PTPN12: variants seen among roughly 807,000 people sequenced by gnomAD.
PTPN12 encodes protein tyrosine phosphatase non-receptor type 12.
PTPN12 carries 29 observed loss-of-function variants against 97.6 expected under a neutral mutation model. The observed-to-expected ratio is 0.30, with a 90% confidence interval of 0.22 to 0.41. The LOEUF is 0.41. PTPN12 is among the 10% of genes least tolerant of loss of function. The pLI is 1.00. For synonymous variants in PTPN12, 327 were observed against 300.4 expected (o/e 1.09, Z -0.91); for missense variants, 819 against 926.0 (o/e 0.88, Z 1.50).
At chr7:77,612,438 T>A (rs1047681302) in intron 11 of PTPN12, among the ~76,000 whole-genome samples, 2 of 152,248 alleles carry the variant, frequency 1.3e-5, no homozygotes, top group Non-Finnish European at 2.9e-5. Context: ...GTTTTTGTTT[T>A]GTTTTATTTT....
intron 11 of PTPN12, among the ~76,000 whole-genome samples, chr7:77,617,666 C>G (rs1390170963): frequency 6.6e-6 from 1 of 152,140 alleles, no homozygotes; most frequent in Non-Finnish European, 1.5e-5. Context: ...AAAATCATTC[C>G]TCTCTTCTGG....
At chr7:77,580,846 A>T (rs1372476969) in intron 2 of PTPN12, among the ~76,000 whole-genome samples, 1 of 152,282 alleles carries the variant, frequency 6.6e-6, no homozygotes, top group African/African-American at 2.4e-5. Context: ...ATTTTAGCAT[A>T]TGGGCTTGTG....
At chr7:77,559,379 A>G (rs899406805) in intron 1 of PTPN12, among the ~76,000 whole-genome samples, 1 of 152,202 alleles carries the variant, frequency 6.6e-6, no homozygotes, top group African/African-American at 2.4e-5. Flanking sequence ...ATGTTGGATC[A>G]GTTGATATGC....
At chr7:77,546,531 TCA>T (rs1807226339) in intron 1 of PTPN12, among the ~76,000 whole-genome samples, 1 of 152,234 alleles carries the variant, frequency 6.6e-6, no homozygotes, top group Non-Finnish European at 1.5e-5. Flanking sequence ...CCTTCTGAAA[TCA>T]CACAAAAATC....
chr7:77,595,937 A>C (rs1045213224), intron 6 of PTPN12, among the ~76,000 whole-genome samples: 2 of 152,188 alleles, frequency 1.3e-5, no homozygotes, highest in African/African-American at 4.8e-5. Flanking sequence ...GTTATCAACA[A>C]CCACAATAAT....
intron 7 of PTPN12, among the ~76,000 whole-genome samples, chr7:77,598,249 T>G (rs958754221): frequency 1.3e-5 from 2 of 149,706 alleles, no homozygotes; most frequent in Non-Finnish European, 3.0e-5. Context: ...AGAGAAGACA[T>G]AGAGAGGGAG....
At chr7:77,615,769 C>T (rs1334390678) in intron 11 of PTPN12, among the ~76,000 whole-genome samples, 2 of 152,210 alleles carry the variant, frequency 1.3e-5, no homozygotes, top group East Asian at 3.9e-4. Flanking sequence ...GTGATTGCTT[C>T]AGCAAGTTGT....
chr7:77,631,668 C>G lies in PTPN12; in HGVS notation c.1997-680C>G, dbSNP rs550194447. Among the ~76,000 whole-genome samples, 4 of 152,288 alleles carry G rather than the reference C, an allele frequency of 2.6e-5. No homozygotes were observed. In the East Asian group the frequency reaches 7.7e-4, roughly 29 times the overall value. On this transcript the variant is annotated intron_variant, in intron 13 of 17. Coordinates refer to ENST00000248594, the MANE Select transcript of PTPN12 (RefSeq NM_002835.4). ...TTCCCAAGAGCTAATTTTGTTTTTA[C>G]TAGTGAAAAACCTGTATATAGCTTC... is the stretch of plus-strand genomic sequence containing the variant.
At chr7:77,582,466 G>A (rs773363705) in intron 3 of PTPN12, among the ~76,000 whole-genome samples, 1 of 151,568 alleles carries the variant, frequency 6.6e-6, no homozygotes, top group South Asian at 2.1e-4. Flanking sequence ...TCATGTTTTT[G>A]TTGATAAAAA....
intron 17 of PTPN12, 160 bp downstream of exon 17, chr7:77,638,891 C>G: frequency 8.2e-7 from 1 of 1,218,608 alleles, no homozygotes; most frequent in Non-Finnish European, 1.1e-6. Context: ...AATTCTATTT[C>G]ACATTGAGAT....
At chr7:77,638,853 G>A in intron 17 of PTPN12, 122 bp downstream of exon 17, 1 of 1,376,596 alleles carries the variant, frequency 7.3e-7, no homozygotes, top group Non-Finnish European at 9.5e-7. Context: ...AAGTTGCTTG[G>A]ACTAGTCATG....
At position 77,592,229 on chromosome 7, in the gene PTPN12, A is replaced by G; in HGVS notation, c.465A>G (p.Ile155Met). The change falls in exon 6 of 18, where the codon ATA (isoleucine) becomes ATG (methionine). Residue 155 changes from isoleucine (I) to methionine (M), a missense_variant. Coordinates refer to ENST00000248594, the MANE Select transcript of PTPN12 (RefSeq NM_002835.4). ...GGCCTTTGTATGGAGAAGACCCCATAACGTTTGCACCATTTAAAATTTCTT... is the reference window on the plus strand; with the variant it reads ...GGCCTTTGTATGGAGAAGACCCCATGACGTTTGCACCATTTAAAATTTCTT... Reference protein sequence around the residue: ...RYWPLYGEDPITFAPFKISCE... With the variant: ...RYWPLYGEDPMTFAPFKISCE... The G allele has an allele frequency of 6.2e-7, 1 of 1,606,582 alleles. No homozygotes were observed. The highest frequency in any genetic ancestry group is 8.5e-7 in the Non-Finnish European group (1 of 1,178,142).
At chr7:77,555,371 C>G (rs1214954853) in intron 1 of PTPN12, among the ~76,000 whole-genome samples, 4 of 151,988 alleles carry the variant, frequency 2.6e-5, no homozygotes, top group Non-Finnish European at 5.9e-5. Flanking sequence ...AATATTTCTT[C>G]TGTTCCCTTC....
At chr7:77,564,656 T>G (rs563045056) in intron 1 of PTPN12, among the ~76,000 whole-genome samples, 2 of 152,016 alleles carry the variant, frequency 1.3e-5, no homozygotes, top group African/African-American at 4.8e-5. Context: ...AAGTATAGTT[T>G]TAATATTTGT....
intron 1 of PTPN12, among the ~76,000 whole-genome samples, chr7:77,558,978 C>T (rs568702339): frequency 2.0e-5 from 3 of 152,246 alleles, no homozygotes; most frequent in African/African-American, 7.2e-5. Context: ...CATGCCACTG[C>T]ACTCCAGCAT....
rs558941059 is a variant in PTPN12, at chr7:77,639,860, A to G, written c.*580A>G. On this transcript the variant is annotated 3_prime_UTR_variant, in exon 18 of 18. Coordinates refer to ENST00000248594, the MANE Select transcript of PTPN12 (RefSeq NM_002835.4). Reference sequence around the variant, plus strand: ...AAATTGTAAGCAAAAAGTTATTTTTATATTATATACAGTCTAATTGTTCAT... The same window carrying G: ...AAATTGTAAGCAAAAAGTTATTTTTGTATTATATACAGTCTAATTGTTCAT... 2 of 152,802 alleles carry G rather than the reference A, an allele frequency of 1.3e-5. No homozygotes were observed. Among genetic ancestry groups the G allele is most frequent in the African/African-American group, 4.8e-5 (2 of 41,576 alleles). The allele number at this position is 152,802 out of a possible 1,614,324, so 9.5% of individuals were successfully genotyped here. A position where few individuals can be genotyped will look rare whatever the true frequency, so the allele number is the denominator to read the frequency against.
At chr7:77,583,763 T>C in intron 4 of PTPN12, 113 bp downstream of exon 4, 1 of 636,376 alleles carries the variant, frequency 1.6e-6, no homozygotes. Flanking sequence ...TTATGTTTAC[T>C]TATTGCTGAT....
Position 77,581,432 on chromosome 7 carries a change from C to A in PTPN12, c.214C>A (p.His72Asn). 6.2e-7 allele frequency: 1 copy of A among 1,603,112 alleles called. No homozygotes were observed. The highest frequency in any genetic ancestry group is 1.1e-5 in the South Asian group (1 of 89,466). ...NRYKDILPFD[H>N]SRVKLTLKTP... ...TATGAATTTTTTTCTCGTAGTTGATCACAGCCGAGTTAAATTGACATTAAA... is the reference window on the plus strand; with the variant it reads ...TATGAATTTTTTTCTCGTAGTTGATAACAGCCGAGTTAAATTGACATTAAA... Residue 72 changes from histidine to asparagine, a missense_variant, in exon 3 of 18, where the codon CAC becomes AAC. By Grantham distance (68) the His-to-Asn change is moderately conservative. Around this residue, in one of 5 missense-constraint regions of PTPN12, gnomAD observed 66 missense variants for 133.6 expected, o/e 0.49. Transcript: ENST00000248594.
intron 14 of PTPN12, among the ~76,000 whole-genome samples, chr7:77,632,855 G>A (rs1432866267): frequency 1.3e-5 from 2 of 152,220 alleles, no homozygotes; most frequent in Non-Finnish European, 2.9e-5. Flanking sequence ...TACTTGAGAG[G>A]CTGAGGCAGG....
Sources: allele counts gnomAD v4.1 joint callset (sites outside exome capture counted in the v4.1 genomes callset), GRCh38; gene constraint gnomAD v4.1.1; regional missense constraint gnomAD v4.1.1; transcripts MANE v1.5; gene names NCBI Gene and HGNC (gene_info 2026-07-23, HGNC 2026-07-21).